Variants in KIFC3 observed in about 807,000 individuals in gnomAD.
The protein encoded by KIFC3 is kinesin-like protein KIFC3.
Under a neutral mutation model 101.8 loss-of-function variants are expected in KIFC3, and 60 were observed. The ratio of observed to expected loss-of-function variants is 0.59; its 90% CI spans 0.48 to 0.73. The LOEUF (loss-of-function observed/expected upper bound fraction) is 0.73. Among genes scored for constraint, KIFC3 ranks in the 30% least tolerant of loss-of-function variants. The probability of loss-of-function intolerance (pLI) is 0.00; values close to 1 mark genes in which losing one functional copy is unlikely to be tolerated. For synonymous variants in KIFC3, 476 were observed against 482.7 expected, an observed-to-expected ratio of 0.99 and a Z score of 0.18; for missense variants, 966 against 1,137.1, an observed-to-expected ratio of 0.85 and a Z score of 2.16.
In KIFC3 at chr16:57,790,881, CCT is replaced by C. The variant is rs754555153; in HGVS notation, c.315+4116_315+4117del. On this transcript the variant is annotated intron_variant, in intron 3 of 19. Coordinates refer to ENST00000445690, the MANE Select transcript of KIFC3 (RefSeq NM_001130100.2). ...TCCTTAGCCCAAAATTCACCCCCTC[CCT>C]CTCTCGACCCAGAGCTCCACTTGAG... 8.5e-4 allele frequency: 838 copies of C among 984,520 alleles called. 2 individuals carry two copies. The highest frequency in any genetic ancestry group is 9.5e-4 in the Non-Finnish European group (787 of 829,106). 61.0% of individuals were successfully genotyped at this position (984,520 alleles called of 1,614,324 possible). A position where few individuals can be genotyped will look rare whatever the true frequency, so the allele number is the denominator to read the frequency against.
intron 1 of KIFC3, among the ~76,000 whole-genome samples, chr16:57,860,781 T>C (rs1410423834): frequency 5.9e-5 from 9 of 152,186 alleles, no homozygotes; most frequent in African/African-American, 1.9e-4. Flanking sequence ...GGCACTATCA[T>C]GGCTTACTAT....
At chr16:57,831,622 C>T (rs2055582349) in intron 1 of KIFC3, among the ~76,000 whole-genome samples, 1 of 152,070 alleles carries the variant, frequency 6.6e-6, no homozygotes, top group Admixed American at 6.6e-5. Flanking sequence ...CCCAGGAGGT[C>T]CAGGCTACTG....
intron 1 of KIFC3, among the ~76,000 whole-genome samples, chr16:57,814,431 G>A (rs1555628373): frequency 6.6e-6 from 1 of 152,180 alleles, no homozygotes; most frequent in Non-Finnish European, 1.5e-5. Context: ...CTTAGGGTAA[G>A]TCTCTGAGCC....
chr16:57,821,202 C>A (rs1156941714), intron 1 of KIFC3, among the ~76,000 whole-genome samples: 1 of 151,528 alleles, frequency 6.6e-6, no homozygotes, highest in Non-Finnish European at 1.5e-5. Context: ...CTGGGCTGAC[C>A]ATTGGGTATG....
At chr16:57,790,816 A>T in intron 3 of KIFC3, 1 of 638,244 alleles carries the variant, frequency 1.6e-6, no homozygotes, top group Non-Finnish European at 2.0e-6. Context: ...AAAAGCCAAT[A>T]CAGATAATTG....
At chr16:57,790,373 T>C (rs1250509352) in intron 3 of KIFC3, among the ~76,000 whole-genome samples, 1 of 130,874 alleles carries the variant, frequency 7.6e-6, no homozygotes. Context: ...TGAGCCACCA[T>C]GCCCAGCTTT....
At chr16:57,779,943 G>C (rs1254527561) in intron 3 of KIFC3, 1 of 152,248 alleles carries the variant, frequency 6.6e-6, no homozygotes, top group African/African-American at 2.4e-5. Flanking sequence ...GAGACACAAA[G>C]CATGTCTTCT....
chr16:57,780,577 TTAAAAAAAA>T (rs1293247044), intron 3 of KIFC3, among the ~76,000 whole-genome samples: 2 of 140,186 alleles, frequency 1.4e-5, no homozygotes, highest in Non-Finnish European at 3.0e-5. Flanking sequence ...TTAAAATGAT[TTAAAAAAAA>T]AAAAAAGAAG....
Position 57,775,285 on chromosome 16 carries a change from C to T in KIFC3, c.316-2997G>A, listed in dbSNP as rs1481319750. On this transcript the variant is annotated intron_variant, in intron 3 of 19. Coordinates refer to ENST00000445690, the MANE Select transcript of KIFC3 (RefSeq NM_001130100.2). ...GGCCCCTTTGTTCAGAGGTGTCAGA[C>T]ACTAGGTCATCTCTGGCTTCTTGAG... 7.2e-6 allele frequency: 9 copies of T among 1,250,524 alleles called. No homozygotes were observed. The African/African-American group carries it at 1.4e-4, about 19-fold the overall frequency. The allele number at this position is 1,250,524 out of a possible 1,614,324, so 77.5% of individuals were successfully genotyped here. A position where few individuals can be genotyped will look rare whatever the true frequency, so the allele number is the denominator to read the frequency against.
At chr16:57,818,092 G>A (rs2967143) in intron 1 of KIFC3, among the ~76,000 whole-genome samples, 70,535 of 150,742 alleles carry the variant, frequency 0.47, 17,545 homozygotes, top group African/African-American at 0.64. Context: ...GCAGTGGCGT[G>A]ATCTCTGCTC....
chr16:57,806,901 A>G (rs2054949807), upstream of KIFC3, among the ~76,000 whole-genome samples: 1 of 152,200 alleles, frequency 6.6e-6, no homozygotes, highest in South Asian at 2.1e-4. Context: ...CTCTGAAATC[A>G]TTCATCATGA....
chr16:57,805,054 C>A (rs1020743015), upstream of KIFC3, among the ~76,000 whole-genome samples: 1 of 152,050 alleles, frequency 6.6e-6, no homozygotes, highest in Non-Finnish European at 1.5e-5. Flanking sequence ...TGGTTTCGAA[C>A]TCCTGACCTC....
At chr16:57,840,637 G>A (rs1467143738) in intron 1 of KIFC3, among the ~76,000 whole-genome samples, 1 of 151,680 alleles carries the variant, frequency 6.6e-6, no homozygotes, top group Non-Finnish European at 1.5e-5. Flanking sequence ...GCGCATGGCT[G>A]TAATCCCAGC....
At position 57,769,332 on chromosome 16, in the gene KIFC3, G is replaced by C. The variant is rs2050868914; in HGVS notation, c.1218+263C>G. 6.6e-6 allele frequency among the ~76,000 whole-genome samples: 1 copy of C among 152,220 alleles called. No homozygotes were observed. The highest frequency in any genetic ancestry group is 2.4e-5 in the African/African-American group (1 of 41,436). ...ATTACAGGTGTGAGCCACCGCGCCT[G>C]GCCTGCATGTTTGAAATATGAAGTT... On this transcript the variant is annotated intron_variant, in intron 9 of 19. Transcript: ENST00000445690. This position sits in a 1 kb window ranked among gnomAD's most constrained non-coding sequence, Gnocchi z 4.3.
intron 3 of KIFC3, chr16:57,776,034 G>C (rs952126509): frequency 1.0e-6 from 1 of 985,454 alleles, no homozygotes. Context: ...CCAAGGGTGG[G>C]GCCAGCCAGC....
At chr16:57,833,136 G>A (rs2055617917) in intron 1 of KIFC3, among the ~76,000 whole-genome samples, 1 of 151,286 alleles carries the variant, frequency 6.6e-6, no homozygotes, top group African/African-American at 2.4e-5. Context: ...AACCTGGGAG[G>A]TAGAGGTTGC....
chr16:57,843,055 C>A (rs11640604), intron 1 of KIFC3, among the ~76,000 whole-genome samples: 388 of 152,116 alleles, frequency 2.6e-3, no homozygotes, highest in Admixed American at 4.5e-3. Flanking sequence ...ATTGTTTGAA[C>A]CCAGGAGGCA....
At chr16:57,791,378 T>C (rs2053856872) in intron 3 of KIFC3, among the ~76,000 whole-genome samples, 1 of 152,206 alleles carries the variant, frequency 6.6e-6, no homozygotes, top group African/African-American at 2.4e-5. Flanking sequence ...GTTACGCTAT[T>C]TCTGGCCTGT....
In KIFC3 at chr16:57,760,904, C is replaced by G; in HGVS notation, c.2054G>C (p.Gly685Ala). The change falls in exon 16 of 20, where the codon GGG (glycine) becomes GCG (alanine). Residue 685 changes from glycine (G) to alanine (A), a missense_variant. Physicochemically the swap from Gly to Ala is moderately conservative, Grantham distance 60. This residue lies in a region of KIFC3 where 689 missense variants were observed against 884.6 expected (regional missense o/e 0.78). Coordinates refer to ENST00000445690, the MANE Select transcript of KIFC3 (RefSeq NM_001130100.2). ...CTCCCGCAGGCGGCTGCCCTCGGCC[C>G]CCGACTTGCCCACGCGCTCCGAGCC... is the stretch of plus-strand genomic sequence containing the variant. Reference protein sequence around the residue: ...LAGSERVGKSGAEGSRLREAQ... With the variant: ...LAGSERVGKSAAEGSRLREAQ... 6.2e-7 allele frequency: 1 copy of G among 1,609,446 alleles called. No individual in the cohort carries two copies. The highest frequency in any genetic ancestry group is 8.5e-7 in the Non-Finnish European group (1 of 1,179,420).
Sources: gnomAD v4.1 joint callset for allele counts (sites outside exome capture counted in the v4.1 genomes callset) on GRCh38, gnomAD v4.1.1 for gene constraint, gnomAD v4.1.1 regional missense constraint, Gnocchi (gnomAD v3.1) non-coding constraint, MANE v1.5 for transcripts, NCBI Gene and HGNC (gene_info 2026-07-23, HGNC 2026-07-21) for gene names.